DGKB: variants seen among roughly 807,000 people sequenced by gnomAD.
The protein encoded by DGKB is 90 kDa diacylglycerol kinase.
In DGKB, 67 loss-of-function variants were observed where a neutral mutation model predicts 114.3. The ratio of observed to expected loss-of-function variants is 0.59; its 90% CI spans 0.48 to 0.72. DGKB has a LOEUF of 0.72. Among genes scored for constraint, DGKB ranks in the 30% least tolerant of loss-of-function variants. The probability of loss-of-function intolerance (pLI) is 0.00; values close to 1 mark genes in which losing one functional copy is unlikely to be tolerated. For missense variants in DGKB, 907 were observed against 975.2 expected, an observed-to-expected ratio of 0.93 and a Z score of 0.93; for synonymous variants, 398 against 323.1, an observed-to-expected ratio of 1.23 and a Z score of -2.49.
At chr7:14,191,646 T>G (rs1784333757) in intron 23 of DGKB, 1 of 290,946 alleles carries the variant, frequency 3.4e-6, no homozygotes, top group Admixed American at 4.0e-5. Context: ...TCTGTTGAAA[T>G]GCACCATGAG....
chr7:14,369,303 C>G (rs925444113), intron 21 of DGKB, among the ~76,000 whole-genome samples: 1 of 152,090 alleles, frequency 6.6e-6, no homozygotes. Flanking sequence ...GCCATATTTT[C>G]TTTATCCAGT....
intron 15 of DGKB, among the ~76,000 whole-genome samples, 199 bp from the exon 16 acceptor site, chr7:14,613,612 C>T (rs1226245977): frequency 6.6e-6 from 1 of 151,320 alleles, no homozygotes. Flanking sequence ...AACAGGAAAA[C>T]CTCCTCCACA....
At chr7:14,243,511 A>G (rs1793981929) in intron 23 of DGKB, among the ~76,000 whole-genome samples, 1 of 152,236 alleles carries the variant, frequency 6.6e-6, no homozygotes, top group Non-Finnish European at 1.5e-5. Flanking sequence ...AATCAAAGTA[A>G]TGTGTTGCAT....
chr7:14,973,345 G>C (rs952098984), intron 1 of DGKB, among the ~76,000 whole-genome samples: 3 of 151,634 alleles, frequency 2.0e-5, no homozygotes, highest in Non-Finnish European at 2.9e-5. Context: ...TATAGCCACA[G>C]TCAGTATAAG....
intron 21 of DGKB, among the ~76,000 whole-genome samples, chr7:14,398,043 A>T (rs2128720894): frequency 6.6e-6 from 1 of 152,240 alleles, no homozygotes; most frequent in Admixed American, 6.6e-5. Context: ...GCATCAATAT[A>T]AACATTGGAA....
chr7:14,510,492 C>T (rs1324435461), intron 20 of DGKB, among the ~76,000 whole-genome samples: 1 of 152,110 alleles, frequency 6.6e-6, no homozygotes, highest in African/African-American at 2.4e-5. Flanking sequence ...CATCTTCAGG[C>T]TCCATTTCTT....
chr7:14,584,894 A>T, intron 17 of DGKB, among the ~76,000 whole-genome samples: 1 of 152,068 alleles, frequency 6.6e-6, no homozygotes, highest in East Asian at 1.9e-4. Flanking sequence ...TGTTGACCTC[A>T]GGTGATCCAT....
chr7:14,660,216 C>A (rs148384237), intron 13 of DGKB, among the ~76,000 whole-genome samples: 1 of 151,480 alleles, frequency 6.6e-6, no homozygotes, highest in Admixed American at 6.6e-5. Context: ...TGTCTCTGCC[C>A]GGCTTTGGTA....
At chr7:14,331,232 G>C (rs1010613528) in intron 23 of DGKB, among the ~76,000 whole-genome samples, 5 of 151,824 alleles carry the variant, frequency 3.3e-5, no homozygotes, top group Non-Finnish European at 7.4e-5. Context: ...CATGGTATTA[G>C]TGTATGCATA....
At chr7:14,773,493 T>C (rs1756279809) in intron 2 of DGKB, among the ~76,000 whole-genome samples, 1 of 151,968 alleles carries the variant, frequency 6.6e-6, no homozygotes, top group Non-Finnish European at 1.5e-5. Flanking sequence ...AAATGAAGAA[T>C]GACAGAGAAG....
chr7:14,563,681 A>G (rs1047039414), intron 20 of DGKB, among the ~76,000 whole-genome samples: 1 of 146,254 alleles, frequency 6.8e-6, no homozygotes, highest in Non-Finnish European at 1.5e-5. Context: ...TGGTGGTTTA[A>G]TTGGTCCACT....
chr7:14,280,043 C>A (rs1417973433), intron 23 of DGKB, among the ~76,000 whole-genome samples: 1 of 152,046 alleles, frequency 6.6e-6, no homozygotes, highest in African/African-American at 2.4e-5. Flanking sequence ...AAGAAGGCTT[C>A]AGACGATCAA....
chr7:14,168,826 G>T (rs913250598), intron 25 of DGKB, among the ~76,000 whole-genome samples: 9 of 152,178 alleles, frequency 5.9e-5, no homozygotes, highest in Non-Finnish European at 1.0e-4. Context: ...TCTGACAGAT[G>T]GGAAGTTAAA....
At chr7:14,176,282 T>A in intron 25 of DGKB, 1 of 955,046 alleles carries the variant, frequency 1.0e-6, no homozygotes, top group Non-Finnish European at 1.2e-6. Context: ...ATATTCACTA[T>A]GCAAATGAAA....
At chr7:14,374,008 A>G (rs919156901) in intron 21 of DGKB, among the ~76,000 whole-genome samples, 4 of 152,048 alleles carry the variant, frequency 2.6e-5, no homozygotes, top group Admixed American at 2.6e-4. Flanking sequence ...GCCCTTCCTG[A>G]AAGATCTAAG....
chr7:14,274,515 G>T (rs773700974), intron 23 of DGKB, among the ~76,000 whole-genome samples: 5 of 151,974 alleles, frequency 3.3e-5, no homozygotes, highest in Non-Finnish European at 4.4e-5. Context: ...ATTAACATCA[G>T]ACTTATAGTT....
rs78935340 is a variant in DGKB, at chr7:14,742,594, C to A, written c.169-6400G>T. On this transcript the variant is annotated intron_variant, in intron 4 of 25. Coordinates refer to ENST00000402815, the MANE Select transcript of DGKB (RefSeq NM_001350709.2). ...GCTTCTTTGGCCTTAGAGAACTGTT[C>A]AACTTGCCTGCTTTACAACTTGGTA... Among the ~76,000 whole-genome samples, 102 of 152,262 alleles carry A rather than the reference C, an allele frequency of 6.7e-4. 3 individuals are homozygous for A. In the East Asian group the frequency reaches 0.019, roughly 29 times the overall value.
chr7:14,644,811 T>C (rs774613659), intron 13 of DGKB, among the ~76,000 whole-genome samples: 32 of 152,298 alleles, frequency 2.1e-4, no homozygotes, highest in Non-Finnish European at 3.5e-4. Flanking sequence ...AAATATCCTA[T>C]GTCTTGGGAG....
At chr7:14,476,635 T>G (rs1782212710) in intron 21 of DGKB, among the ~76,000 whole-genome samples, 1 of 152,088 alleles carries the variant, frequency 6.6e-6, no homozygotes, top group Non-Finnish European at 1.5e-5. Flanking sequence ...ATAAAAAGTA[T>G]AGTTTTCTGA....
Sources: allele counts gnomAD v4.1 joint callset (sites outside exome capture counted in the v4.1 genomes callset), GRCh38; gene constraint gnomAD v4.1.1; transcripts MANE v1.5; gene names NCBI Gene and HGNC (gene_info 2026-07-23, HGNC 2026-07-21).